Variants in CNTNAP5 observed in about 807,000 individuals in gnomAD.
CNTNAP5 encodes contactin associated protein family member 5, also known as contactin-associated protein-like 5.
A neutral mutation model predicts 150.2 loss-of-function variants in CNTNAP5; 72 were observed. The observed-to-expected ratio is 0.48, with a 90% CI of 0.40 to 0.58. The LOEUF (loss-of-function observed/expected upper bound fraction) is 0.58, where lower values mean the gene tolerates loss of function less well. CNTNAP5 is among the 20% of genes least tolerant of loss of function. The pLI, the probability that CNTNAP5 is intolerant of heterozygous loss-of-function variation, is 0.00. For synonymous variants in CNTNAP5, 672 were observed against 619.8 expected (o/e 1.08, Z -1.25); for missense variants, 1,636 against 1,626.2 (o/e 1.01, Z -0.10).
intron 3 of CNTNAP5, among the ~76,000 whole-genome samples, chr2:124,262,258 T>C (rs570962780): frequency 1.3e-5 from 2 of 152,104 alleles, no homozygotes; most frequent in South Asian, 4.1e-4. Flanking sequence ...AAATAATAAA[T>C]GAATAACCCA....
At chr2:124,055,494 C>T (rs1163641327) in intron 1 of CNTNAP5, among the ~76,000 whole-genome samples, 3 of 152,106 alleles carry the variant, frequency 2.0e-5, no homozygotes, top group African/African-American at 7.2e-5. Context: ...CACAGTTCAC[C>T]CCAAGCCTCA....
intron 13 of CNTNAP5, among the ~76,000 whole-genome samples, chr2:124,722,776 C>A (rs1680074902): frequency 6.6e-6 from 1 of 152,178 alleles, no homozygotes; most frequent in Non-Finnish European, 1.5e-5. Flanking sequence ...GCAGTGACAG[C>A]CCTTGCAATC....
chr2:124,292,603 G>C (rs764068853), intron 3 of CNTNAP5, among the ~76,000 whole-genome samples: 3 of 152,048 alleles, frequency 2.0e-5, no homozygotes, highest in Non-Finnish European at 4.4e-5. Flanking sequence ...TCTGATCATA[G>C]ATTGAAGAGA....
At chr2:124,525,527 A>G (rs1255321488) in intron 9 of CNTNAP5, among the ~76,000 whole-genome samples, 5 of 152,236 alleles carry the variant, frequency 3.3e-5, no homozygotes, top group Admixed American at 1.3e-4. Flanking sequence ...CTTAAATAGA[A>G]TTTACAGATC....
intron 11 of CNTNAP5, among the ~76,000 whole-genome samples, chr2:124,571,713 G>C (rs545063367): frequency 2.6e-5 from 4 of 151,088 alleles, no homozygotes; most frequent in African/African-American, 9.7e-5. Context: ...TGTATTTTTA[G>C]TAGAAATGGG....
intron 1 of CNTNAP5, among the ~76,000 whole-genome samples, chr2:124,032,193 T>C (rs371487277): frequency 6.6e-6 from 1 of 152,184 alleles, no homozygotes; most frequent in African/African-American, 2.4e-5. Context: ...GAGCATCTCA[T>C]ACTGGCTGGG....
intron 3 of CNTNAP5, among the ~76,000 whole-genome samples, chr2:124,320,116 A>G (rs17724036): frequency 0.057 from 8,699 of 152,310 alleles, 298 homozygotes; most frequent in Non-Finnish European, 0.071. Context: ...GTCGTAACAT[A>G]CAATTCCACA....
At chr2:124,614,493 A>G (rs915642506) in intron 12 of CNTNAP5, among the ~76,000 whole-genome samples, 2 of 152,190 alleles carry the variant, frequency 1.3e-5, no homozygotes, top group Non-Finnish European at 2.9e-5. Flanking sequence ...ATGCTAAACA[A>G]GGGGGGATTT....
Position 124,292,801 on chromosome 2 carries a change from C to T in CNTNAP5, c.381+50408C>T, listed in dbSNP as rs953060853. On this transcript the variant is annotated intron_variant, in intron 3 of 23. Transcript: ENST00000682447. ...GTTTTTCTGAATTTTGCAGAGATCT[C>T]AGCATCTAAAGACAGAATAAATAAT... Among the ~76,000 whole-genome samples, 144 of 152,040 alleles carry T rather than the reference C, an allele frequency of 9.5e-4. 1 individual carries two copies. The highest frequency in any genetic ancestry group is 3.1e-4 in the Non-Finnish European group (21 of 67,976).
chr2:124,763,189 C>T (rs991631467), intron 14 of CNTNAP5, among the ~76,000 whole-genome samples: 5 of 151,720 alleles, frequency 3.3e-5, no homozygotes, highest in Non-Finnish European at 7.4e-5. Context: ...CTATAAAGCA[C>T]CTCGAGTTAA....
chr2:124,421,324 A>T (rs1692098645), intron 4 of CNTNAP5, among the ~76,000 whole-genome samples: 1 of 152,194 alleles, frequency 6.6e-6, no homozygotes, highest in South Asian at 2.1e-4. Flanking sequence ...TGGTGCCCTC[A>T]GCAACCTGCT....
At chr2:124,036,953 A>G (rs1681238637) in intron 1 of CNTNAP5, among the ~76,000 whole-genome samples, 2 of 152,194 alleles carry the variant, frequency 1.3e-5, no homozygotes, top group South Asian at 4.1e-4. Flanking sequence ...AGACTTAGCT[A>G]TTGTTAAACT....
intron 1 of CNTNAP5, among the ~76,000 whole-genome samples, chr2:124,088,484 C>A (rs1047085537): frequency 1.3e-5 from 2 of 151,234 alleles, no homozygotes; most frequent in Non-Finnish European, 2.9e-5. Flanking sequence ...ATCTTAGGTT[C>A]TTAATATGAT....
chr2:124,763,603 G>C, intron 14 of CNTNAP5, 69 bp from the exon 15 acceptor site: 1 of 1,475,036 alleles, frequency 6.8e-7, no homozygotes, highest in Admixed American at 2.0e-5. Context: ...TGAAAAGAGG[G>C]GTCATGGAAA....
intron 3 of CNTNAP5, among the ~76,000 whole-genome samples, chr2:124,294,491 A>T (rs1452014306): frequency 6.6e-6 from 1 of 152,180 alleles, no homozygotes; most frequent in African/African-American, 2.4e-5. Context: ...GAAGAAATCT[A>T]GGCAGTGGAA....
chr2:124,227,455 A>C (rs1356915860), intron 2 of CNTNAP5, among the ~76,000 whole-genome samples: 5 of 152,066 alleles, frequency 3.3e-5, no homozygotes, highest in Non-Finnish European at 5.9e-5. Context: ...AAACACAAAC[A>C]TGTGTTCGGA....
At chr2:124,374,123 A>G (rs1178946140) in intron 3 of CNTNAP5, among the ~76,000 whole-genome samples, 1 of 152,112 alleles carries the variant, frequency 6.6e-6, no homozygotes, top group African/African-American at 2.4e-5. Flanking sequence ...ATATTTAAGT[A>G]AAAATAAATT....
intron 8 of CNTNAP5, among the ~76,000 whole-genome samples, chr2:124,510,126 T>C (rs973824196): frequency 6.6e-6 from 1 of 151,602 alleles, no homozygotes; most frequent in Non-Finnish European, 1.5e-5. Flanking sequence ...GAGAATCACT[T>C]GAACCCAGGA....
intron 10 of CNTNAP5, among the ~76,000 whole-genome samples, chr2:124,533,583 A>G (rs1272081166): frequency 6.6e-6 from 1 of 152,174 alleles, no homozygotes. Flanking sequence ...TCTTCTGGCC[A>G]GAGTCTCTCT....
Sources: gnomAD v4.1 joint callset for allele counts (sites outside exome capture counted in the v4.1 genomes callset) on GRCh38, gnomAD v4.1.1 for gene constraint, MANE v1.5 for transcripts, NCBI Gene and HGNC (gene_info 2026-07-23, HGNC 2026-07-21) for gene names.